Variants in STXBP6 observed in about 807,000 individuals in gnomAD.
STXBP6 encodes the protein syntaxin binding protein 6.
A neutral mutation model predicts 26.9 loss-of-function variants in STXBP6; 21 were observed. That is an observed-to-expected ratio of 0.78 (90% CI 0.55 to 1.12). The LOEUF is 1.12. Among genes scored for constraint, STXBP6 ranks in the 50% most tolerant of loss-of-function variants. The probability of loss-of-function intolerance (pLI) is 0.00; values close to 1 mark genes in which losing one functional copy is unlikely to be tolerated. For missense variants in STXBP6, 232 were observed against 257.9 expected, an observed-to-expected ratio of 0.90 and a Z score of 0.69; for synonymous variants, 97 against 92.6, an observed-to-expected ratio of 1.05 and a Z score of -0.27.
intron 2 of STXBP6, among the ~76,000 whole-genome samples, chr14:24,872,589 T>C (rs1488341080): frequency 1.3e-5 from 2 of 152,188 alleles, no homozygotes; most frequent in African/African-American, 2.4e-5. Context: ...GGGTTTGATG[T>C]TGTTACAAGG....
chr14:24,819,674 T>C (rs1370914703), intron 4 of STXBP6, among the ~76,000 whole-genome samples: 1 of 152,224 alleles, frequency 6.6e-6, no homozygotes, highest in Non-Finnish European at 1.5e-5. Flanking sequence ...TAGAATGCTC[T>C]ATATTCCTTC....
At chr14:24,946,592 C>T (rs1430549743) in intron 2 of STXBP6, among the ~76,000 whole-genome samples, 6 of 152,146 alleles carry the variant, frequency 3.9e-5, no homozygotes, top group Non-Finnish European at 7.3e-5. Flanking sequence ...ACCCCATAAC[C>T]TCATCAGGAG....
chr14:25,034,885 T>G (rs1182119561), intron 1 of STXBP6, among the ~76,000 whole-genome samples: 7 of 152,152 alleles, frequency 4.6e-5, no homozygotes, highest in African/African-American at 1.7e-4. Context: ...GTGTGGTGGC[T>G]CACACCTATA....
At chr14:25,002,267 C>G (rs2074777791) in intron 1 of STXBP6, among the ~76,000 whole-genome samples, 1 of 151,526 alleles carries the variant, frequency 6.6e-6, no homozygotes, top group South Asian at 2.1e-4. Context: ...CAGACTATTT[C>G]ACAAAAAGGT....
At chr14:24,883,007 A>G (rs2070431382) in intron 2 of STXBP6, among the ~76,000 whole-genome samples, 2 of 152,242 alleles carry the variant, frequency 1.3e-5, no homozygotes. Flanking sequence ...AATGACTTCA[A>G]TTTCCAATAA....
intron 2 of STXBP6, among the ~76,000 whole-genome samples, chr14:24,941,294 A>G (rs2072793793): frequency 6.6e-6 from 1 of 152,218 alleles, no homozygotes. Flanking sequence ...ATGCAGGACA[A>G]TGTGGCAAGG....
chr14:24,882,102 G>A lies in STXBP6; in HGVS notation c.155-24945C>T, dbSNP rs576131385. On this transcript the variant is annotated intron_variant, in intron 2 of 5. Coordinates refer to ENST00000323944, the MANE Select transcript of STXBP6 (RefSeq NM_001394410.1). ...CTGAGCATAAGAGGGGCTTTCGGCC[G>A]GGCGCGGTGGCTCACGCCTGTAATC... 4.0e-5 allele frequency among the ~76,000 whole-genome samples: 6 copies of A among 151,860 alleles called. No individual in the cohort carries two copies. In the South Asian group the frequency reaches 1.0e-3, roughly 26 times the overall value.
chr14:24,841,009 T>C, intron 4 of STXBP6, among the ~76,000 whole-genome samples: 1 of 152,202 alleles, frequency 6.6e-6, no homozygotes, highest in East Asian at 1.9e-4. Flanking sequence ...AAAATAATCA[T>C]TAAGACAATT....
At chr14:25,008,221 T>C (rs572695150) in intron 1 of STXBP6, among the ~76,000 whole-genome samples, 1 of 152,344 alleles carries the variant, frequency 6.6e-6, no homozygotes, top group South Asian at 2.1e-4. Flanking sequence ...TTTATCTTTT[T>C]GGCCAGGTAT....
At chr14:24,823,344 G>T (rs2068194591) in intron 4 of STXBP6, among the ~76,000 whole-genome samples, 1 of 152,106 alleles carries the variant, frequency 6.6e-6, no homozygotes, top group South Asian at 2.1e-4. Flanking sequence ...ATTGAGAAGT[G>T]ATAAACGAAG....
Position 25,049,621 on chromosome 14 carries a change from G to T in STXBP6, c.-33+257C>A, listed in dbSNP as rs557966316. On this transcript the variant is annotated intron_variant, in intron 1 of 5. Transcript: ENST00000323944. The surrounding 1 kb of genome is among the most constrained non-coding windows in gnomAD (Gnocchi z 5.6). ...CTTGCCCAATACTGCCCGCACAACG[G>T]GTCCCAGGGTTGGAGAGAACCAGGG... The T allele has an allele frequency of 2.0e-6, 2 of 985,460 alleles. No individual in the cohort carries two copies. Among genetic ancestry groups the T allele is most frequent in the African/African-American group, 3.5e-5 (2 of 57,380 alleles). The allele number at this position is 985,460 out of a possible 1,614,324, so 61.0% of individuals were successfully genotyped here.
chr14:24,872,878 C>T (rs1266651425), intron 2 of STXBP6, among the ~76,000 whole-genome samples: 3 of 152,206 alleles, frequency 2.0e-5, no homozygotes, highest in African/African-American at 4.8e-5. Flanking sequence ...ACACTTCTTG[C>T]CTTTCCCAAA....
At chr14:24,953,131 A>C (rs1279053857) in intron 2 of STXBP6, among the ~76,000 whole-genome samples, 1 of 151,376 alleles carries the variant, frequency 6.6e-6, no homozygotes, top group Non-Finnish European at 1.5e-5. Flanking sequence ...AGCTGCCAAC[A>C]CTCCTTGACT....
At chr14:24,818,015 A>G (rs2138719534) in intron 5 of STXBP6, 2 of 456,424 alleles carry the variant, frequency 4.4e-6, no homozygotes, top group African/African-American at 2.0e-5. Context: ...AGCTGGGAAT[A>G]TTCTTCTCAT....
chr14:25,004,588 G>A (rs570654256), intron 1 of STXBP6, among the ~76,000 whole-genome samples: 1 of 152,308 alleles, frequency 6.6e-6, no homozygotes, highest in South Asian at 2.1e-4. Flanking sequence ...GTCATTTATT[G>A]TTTAAATAAT....
At position 24,967,312 on chromosome 14, in the gene STXBP6, GCTGATGC is replaced by G. The variant is rs531124255; in HGVS notation, c.154+7346_154+7352del. Among the ~76,000 whole-genome samples, 274 of 152,314 alleles carry G rather than the reference GCTGATGC, an allele frequency of 1.8e-3. 1 individual carries two copies. The highest frequency in any genetic ancestry group is 6.2e-3 in the African/African-American group (259 of 41,556). The stretch of plus-strand genomic sequence containing the variant: ...ATTACTATTACTGATCCCAAAGCAG[GCTGATGC>G]CACCCTGACTGTATGAGCACTGAAG... On this transcript the variant is annotated intron_variant, in intron 2 of 5. Transcript: ENST00000323944.
rs1240385846 is a variant in STXBP6 at position 24,865,434 on chromosome 14, G to C, written c.155-8277C>G. ...CTGAGAACCCAGGGATACCAAGATGGCTAAAATTCTTAAGACAGAGTACTA... is the reference window on the plus strand; with the variant it reads ...CTGAGAACCCAGGGATACCAAGATGCCTAAAATTCTTAAGACAGAGTACTA... On this transcript the variant is annotated intron_variant, in intron 2 of 5. Coordinates refer to ENST00000323944, the MANE Select transcript of STXBP6 (RefSeq NM_001394410.1). Among the ~76,000 whole-genome samples the C allele has an allele frequency of 1.1e-4, 16 of 152,252 alleles. No homozygotes were observed. In the East Asian group the frequency reaches 1.9e-3, roughly 18 times the overall value.
intron 2 of STXBP6, among the ~76,000 whole-genome samples, chr14:24,936,630 G>A (rs866579165): frequency 1.3e-5 from 2 of 152,120 alleles, no homozygotes; most frequent in Non-Finnish European, 2.9e-5. Context: ...AGACCCATGA[G>A]GAATTGCCAC....
At chr14:24,997,445 G>A (rs932634934) in intron 1 of STXBP6, among the ~76,000 whole-genome samples, 5 of 151,982 alleles carry the variant, frequency 3.3e-5, no homozygotes, top group Non-Finnish European at 5.9e-5. Context: ...TCAATCAAAC[G>A]AATCCTTATT....
Sources: allele counts gnomAD v4.1 joint callset (sites outside exome capture counted in the v4.1 genomes callset), GRCh38; gene constraint gnomAD v4.1.1; non-coding constraint Gnocchi (gnomAD v3.1); transcripts MANE v1.5; gene names NCBI Gene and HGNC (gene_info 2026-07-23, HGNC 2026-07-21).